The following MAP4 variants were observed in gnomAD, a reference collection of about 807,000 sequenced individuals.
MAP4 encodes microtubule-associated protein 4.
MAP4 carries 76 observed loss-of-function variants against 170.2 expected under a neutral mutation model. The ratio of observed to expected loss-of-function variants is 0.45; its 90% CI spans 0.37 to 0.54. The LOEUF (loss-of-function observed/expected upper bound fraction) is 0.54. Ranked by LOEUF, MAP4 falls within the 20% of genes least tolerant of loss-of-function variation. The pLI is 0.00. For synonymous variants in MAP4, 909 were observed against 994.5 expected, an observed-to-expected ratio of 0.91 and a Z score of 1.62; for missense variants, 2,506 against 2,748.0, an observed-to-expected ratio of 0.91 and a Z score of 1.97.
At chr3:48,075,458 G>A (rs758640918) in intron 1 of MAP4, among the ~76,000 whole-genome samples, 1 of 152,010 alleles carries the variant, frequency 6.6e-6, no homozygotes, top group Non-Finnish European at 1.5e-5. Flanking sequence ...CTGGAAGGCA[G>A]AGAGGTTACA....
At chr3:47,873,043 G>A (rs1054445721) in intron 12 of MAP4, among the ~76,000 whole-genome samples, 3 of 152,096 alleles carry the variant, frequency 2.0e-5, no homozygotes, top group African/African-American at 4.8e-5. Flanking sequence ...TTTCCTCATC[G>A]GGATAAAGAG....
At chr3:47,874,498 G>A (rs1384684626) in intron 12 of MAP4, among the ~76,000 whole-genome samples, 1 of 151,986 alleles carries the variant, frequency 6.6e-6, no homozygotes, top group Non-Finnish European at 1.5e-5. Context: ...AAAAGTTCAT[G>A]TATATACAGC....
chr3:48,001,876 T>C (rs1362551049), intron 1 of MAP4, among the ~76,000 whole-genome samples: 2 of 152,128 alleles, frequency 1.3e-5, no homozygotes, highest in Non-Finnish European at 2.9e-5. Flanking sequence ...ATCATATCTT[T>C]TTATTTTTTA....
chr3:48,013,212 T>A (rs949268245), intron 1 of MAP4, among the ~76,000 whole-genome samples: 1 of 152,094 alleles, frequency 6.6e-6, no homozygotes, highest in Non-Finnish European at 1.5e-5. Context: ...TTACATATTT[T>A]ATGGATAAAA....
intron 2 of MAP4, among the ~76,000 whole-genome samples, chr3:47,981,766 C>CAA (rs909696980): frequency 3.7e-5 from 4 of 106,748 alleles, no homozygotes; most frequent in African/African-American, 3.5e-5. Context: ...CTCCATCTCC[C>CAA]AAAAAAAAAA....
At chr3:47,939,687 G>T (rs2100055082) in intron 3 of MAP4, among the ~76,000 whole-genome samples, 1 of 149,286 alleles carries the variant, frequency 6.7e-6, no homozygotes, top group Admixed American at 6.7e-5. Context: ...TCTTACTCAT[G>T]GTAAGAAACT....
chr3:47,866,050 A>C (rs2079012160), intron 17 of MAP4, among the ~76,000 whole-genome samples: 1 of 152,128 alleles, frequency 6.6e-6, no homozygotes, highest in South Asian at 2.1e-4. Context: ...AAAGATAAGG[A>C]GGGAAAGTCT....
intron 10 of MAP4, among the ~76,000 whole-genome samples, chr3:47,896,385 C>T (rs1380297089): frequency 2.0e-5 from 3 of 152,032 alleles, no homozygotes; most frequent in South Asian, 2.1e-4. Flanking sequence ...CAAAATTAGC[C>T]GGGCGTGGTG....
chr3:48,020,729 A>C (rs1013447554), upstream of MAP4, among the ~76,000 whole-genome samples: 3 of 152,192 alleles, frequency 2.0e-5, no homozygotes, highest in South Asian at 2.1e-4. Context: ...AACAAAAAAA[A>C]CACGCTGGAT....
intron 10 of MAP4, among the ~76,000 whole-genome samples, chr3:47,890,517 C>T (rs1045029433): frequency 6.6e-6 from 1 of 152,158 alleles, no homozygotes; most frequent in Non-Finnish European, 1.5e-5. Flanking sequence ...GAAAACAGAG[C>T]TTCCACCCAG....
At chr3:48,034,032 TTCTAA>T (rs774017592) in intron 1 of MAP4, among the ~76,000 whole-genome samples, 56 of 152,352 alleles carry the variant, frequency 3.7e-4, no homozygotes, top group Admixed American at 1.8e-3. Flanking sequence ...CCTTTTATCA[TTCTAA>T]TCTCTTTCTA....
At position 47,853,285 on chromosome 3, in the gene MAP4, G is replaced by T; in HGVS notation, c.6764C>A (p.Ser2255Tyr). The T allele has an allele frequency of 6.2e-7, 1 of 1,610,304 alleles. No individual in the cohort carries two copies. Among genetic ancestry groups the T allele is most frequent in the South Asian group, 1.1e-5 (1 of 90,864 alleles). Residue 2255 changes from serine to tyrosine, a missense_variant, in exon 20 of 21, where the codon TCT becomes TAT. By Grantham distance (144) the Ser-to-Tyr change is moderately radical (BLOSUM62 -2). Around this residue, in one of 3 missense-constraint regions of MAP4, gnomAD observed 487 missense variants for 511.6 expected, o/e 0.95. Coordinates refer to ENST00000683076, the MANE Select transcript of MAP4 (RefSeq NM_001385682.1). ...GGCGCCAGCTTCAGGCGCTGCCTCAGAGATGGCCGGCTCCTCCCCAGCAGG... is the reference window on the plus strand; with the variant it reads ...GGCGCCAGCTTCAGGCGCTGCCTCATAGATGGCCGGCTCCTCCCCAGCAGG... ...GPPAGEEPAISEAAPEAGAPT... is the reference protein window; with the variant it reads ...GPPAGEEPAIYEAAPEAGAPT...
chr3:48,022,201 T>C (rs776273781), intron 1 of MAP4, among the ~76,000 whole-genome samples: 3 of 152,092 alleles, frequency 2.0e-5, no homozygotes, highest in Non-Finnish European at 4.4e-5. Flanking sequence ...CAGCCCTAAA[T>C]GTGAACGGTA....
At chr3:47,943,440 C>T (rs2100057754) in intron 3 of MAP4, among the ~76,000 whole-genome samples, 1 of 152,186 alleles carries the variant, frequency 6.6e-6, no homozygotes, top group South Asian at 2.1e-4. Context: ...GGTGAAACCC[C>T]ATCTCTACTA....
chr3:48,021,312 T>A (rs2154480258), upstream of MAP4, among the ~76,000 whole-genome samples: 1 of 152,144 alleles, frequency 6.6e-6, no homozygotes, highest in South Asian at 2.1e-4. Flanking sequence ...TTTAAAGGTA[T>A]CAACTATCCC....
chr3:47,929,431 A>G (rs1386108344), intron 3 of MAP4, among the ~76,000 whole-genome samples: 1 of 152,144 alleles, frequency 6.6e-6, no homozygotes, highest in African/African-American at 2.4e-5. Context: ...ACAGGTTCAG[A>G]AAGAAACATA....
At chr3:47,874,657 C>T (rs2094656165) in intron 12 of MAP4, among the ~76,000 whole-genome samples, 2 of 152,054 alleles carry the variant, frequency 1.3e-5, no homozygotes, top group Admixed American at 1.3e-4. Flanking sequence ...AGGCACCTCC[C>T]CTCTGCCCTC....
At position 47,895,487 on chromosome 3, in the gene MAP4, G is replaced by A. The variant is rs528674900; in HGVS notation, c.5434+7463C>T. ...CTTCAGTAACCTTTCTGTCTCATGC[G>A]GGAGTGCTGCCTATTGGCAGAGGCA... On this transcript the variant is annotated intron_variant, in intron 10 of 20. Coordinates refer to ENST00000683076, the MANE Select transcript of MAP4 (RefSeq NM_001385682.1). Among the ~76,000 whole-genome samples the A allele has an allele frequency of 1.5e-4, 23 of 152,340 alleles. No individual in the cohort carries two copies. The South Asian group carries it at 4.6e-3, about 30-fold the overall frequency.
intron 10 of MAP4, among the ~76,000 whole-genome samples, chr3:47,881,888 G>C (rs752511870): frequency 7.2e-5 from 11 of 152,030 alleles, no homozygotes; most frequent in Non-Finnish European, 1.2e-4. Context: ...AGCAGGAGCC[G>C]CTGTACCTGG....
Sources: allele counts gnomAD v4.1 joint callset (sites outside exome capture counted in the v4.1 genomes callset), GRCh38; gene constraint gnomAD v4.1.1; regional missense constraint gnomAD v4.1.1; transcripts MANE v1.5; gene names NCBI Gene and HGNC (gene_info 2026-07-23, HGNC 2026-07-21).